Variants in CCSER1 observed in about 807,000 individuals in gnomAD.
The protein encoded by CCSER1 is coiled-coil serine rich protein 1.
In CCSER1, 41 loss-of-function variants were observed where a neutral mutation model predicts 82.0. The ratio of observed to expected loss-of-function variants is 0.50; its 90% confidence interval spans 0.39 to 0.65. CCSER1 has a LOEUF of 0.65. Among genes scored for constraint, CCSER1 ranks in the 30% least tolerant of loss-of-function variants. The probability of loss-of-function intolerance (pLI) is 0.00; values close to 1 mark genes in which losing one functional copy is unlikely to be tolerated. For synonymous variants in CCSER1, 414 were observed against 383.9 expected, an observed-to-expected ratio of 1.08 and a Z score of -0.92; for missense variants, 1,119 against 1,064.2, an observed-to-expected ratio of 1.05 and a Z score of -0.72.
intron 10 of CCSER1, among the ~76,000 whole-genome samples, chr4:91,562,671 A>T (rs1487515736): frequency 6.6e-6 from 1 of 151,554 alleles, no homozygotes; most frequent in African/African-American, 2.4e-5. Context: ...TAGCATAGCC[A>T]TTTTCAGAGT....
chr4:91,513,502 C>A (rs1759937848), intron 10 of CCSER1, among the ~76,000 whole-genome samples: 1 of 152,032 alleles, frequency 6.6e-6, no homozygotes, highest in Admixed American at 6.6e-5. Context: ...GAAGCCCCTC[C>A]TCATCAGTTT....
At chr4:91,570,841 G>A (rs1406993432) in intron 10 of CCSER1, among the ~76,000 whole-genome samples, 2 of 151,986 alleles carry the variant, frequency 1.3e-5, no homozygotes, top group Non-Finnish European at 2.9e-5. Flanking sequence ...TTTCTCCAGG[G>A]GTATTGAATT....
chr4:90,562,333 C>G (rs185465349), intron 5 of CCSER1, among the ~76,000 whole-genome samples: 1 of 152,096 alleles, frequency 6.6e-6, no homozygotes, highest in East Asian at 1.9e-4. Flanking sequence ...ATATTTGTCA[C>G]TCATCAGGTT....
At chr4:91,174,212 G>A (rs970284448) in intron 10 of CCSER1, among the ~76,000 whole-genome samples, 2 of 151,996 alleles carry the variant, frequency 1.3e-5, no homozygotes, top group African/African-American at 4.8e-5. Flanking sequence ...ATTCTATTTT[G>A]GATGGCAGTC....
chr4:90,275,941 C>G (rs573577434), intron 1 of CCSER1, among the ~76,000 whole-genome samples: 5 of 152,198 alleles, frequency 3.3e-5, no homozygotes, highest in African/African-American at 1.2e-4. Context: ...ATTTTATATA[C>G]TGAAATGAAG....
chr4:90,260,683 A>G (rs2153448301), intron 1 of CCSER1, among the ~76,000 whole-genome samples: 1 of 152,084 alleles, frequency 6.6e-6, no homozygotes, highest in South Asian at 2.1e-4. Context: ...GACAGTAGAT[A>G]TTGTTTGGTG....
rs1279142591 is a variant in CCSER1, at chr4:91,496,616, A to AATATATATTGAATATATATATATT, written c.2218-101956_2218-101955insATATATATTGAATATATATATATT. Among the ~76,000 whole-genome samples, 9 of 21,032 alleles carry AATATATATTGAATATATATATATT rather than the reference A, an allele frequency of 4.3e-4. 1 individual carries two copies. Among genetic ancestry groups the AATATATATTGAATATATATATATT allele is most frequent in the East Asian group, 8.3e-3 (1 of 120 alleles). 13.8% of individuals were successfully genotyped at this position (21,032 alleles called of 152,430 possible). On this transcript the variant is annotated intron_variant, in intron 10 of 10. Transcript: ENST00000509176. ...AATATATATTTGAATATATATATAC[A>AATATATATTGAATATATATATATT]CGAATATATATTTGAATATATATAT...
intron 2 of CCSER1, 90 bp downstream of exon 2, chr4:90,309,698 C>A (rs946059266): frequency 1.0e-6 from 1 of 989,292 alleles, no homozygotes; most frequent in Non-Finnish European, 1.4e-6. Flanking sequence ...TGAATGGAAA[C>A]CACATTTTTC....
chr4:90,532,112 C>T (rs1364181804), intron 5 of CCSER1, among the ~76,000 whole-genome samples: 1 of 152,002 alleles, frequency 6.6e-6, no homozygotes, highest in Non-Finnish European at 1.5e-5. Context: ...TATATAGTAT[C>T]TTTATAAATC....
In CCSER1 at chr4:90,309,367, C is replaced by A. The variant is rs1440537295; in HGVS notation, c.1083C>A (p.Ser361Arg). The A allele has an allele frequency of 1.4e-5, 22 of 1,613,658 alleles. No homozygotes were observed. In the East Asian group the frequency reaches 4.2e-4, roughly 31 times the overall value. Residue 361 changes from serine to arginine, a missense_variant, in exon 2 of 11, where the codon AGC (serine) becomes AGA (arginine). Coordinates refer to ENST00000509176, the MANE Select transcript of CCSER1 (RefSeq NM_001145065.2). ...QIAELPATSV[S>R]HSESNLPADS... ...CTGAACTACCTGCTACAAGTGTGAG[C>A]CACTCAGAGAGTAACCTACCAGCAG...
chr4:90,660,719 A>G (rs1357561414), intron 6 of CCSER1, among the ~76,000 whole-genome samples: 1 of 152,164 alleles, frequency 6.6e-6, no homozygotes, highest in Non-Finnish European at 1.5e-5. Flanking sequence ...ATAGATATTA[A>G]ATACATTTTA....
intron 10 of CCSER1, among the ~76,000 whole-genome samples, chr4:91,194,975 A>G (rs973173388): frequency 3.3e-5 from 5 of 152,230 alleles, no homozygotes; most frequent in Non-Finnish European, 7.3e-5. Flanking sequence ...ACACTTGAGT[A>G]TCATTATATG....
chr4:90,526,982 C>T (rs1258830864), intron 5 of CCSER1, among the ~76,000 whole-genome samples: 1 of 152,144 alleles, frequency 6.6e-6, no homozygotes, highest in Non-Finnish European at 1.5e-5. Context: ...ATTTACACTC[C>T]CACCAACAGT....
At chr4:90,888,652 A>C (rs1268980931) in intron 8 of CCSER1, among the ~76,000 whole-genome samples, 1 of 152,168 alleles carries the variant, frequency 6.6e-6, no homozygotes, top group Non-Finnish European at 1.5e-5. Flanking sequence ...ATGCGTTAAC[A>C]TTTCTGCATG....
chr4:91,042,357 C>G (rs922628274), intron 9 of CCSER1, among the ~76,000 whole-genome samples: 36 of 152,128 alleles, frequency 2.4e-4, no homozygotes, highest in African/African-American at 8.2e-4. Context: ...TGAGGCCTCC[C>G]CAGCCATTCG....
chr4:91,205,882 A>G (rs1023191649), intron 10 of CCSER1, among the ~76,000 whole-genome samples: 28 of 151,902 alleles, frequency 1.8e-4, no homozygotes, highest in African/African-American at 6.5e-4. Flanking sequence ...AGACGCTGTG[A>G]AAAGTACTGA....
chr4:90,628,122 C>A lies in CCSER1; in HGVS notation c.1822C>A (p.Gln608Lys). The change falls in exon 6 of 11, where the codon CAA becomes AAA. Residue 608 changes from glutamine (Q) to lysine (K), a missense_variant. By Grantham distance (53) the Gln-to-Lys change is moderately conservative. Transcript: ENST00000509176. ...PNSPSADWPLQGVEENGGIDS... is the reference protein window; with the variant it reads ...PNSPSADWPLKGVEENGGIDS... The stretch of plus-strand genomic sequence containing the variant: ...CAGTCCATCTGCGGATTGGCCTCTA[C>A]AAGGTGTGGAAGAAAACGGAGGCAT... 6.2e-7 allele frequency: 1 copy of A among 1,613,676 alleles called. No individual in the cohort carries two copies. The highest frequency in any genetic ancestry group is 2.2e-5 in the East Asian group (1 of 44,864).
At chr4:91,513,447 G>A (rs948469229) in intron 10 of CCSER1, among the ~76,000 whole-genome samples, 1 of 152,098 alleles carries the variant, frequency 6.6e-6, no homozygotes, top group African/African-American at 2.4e-5. Flanking sequence ...TCTTTGCCAG[G>A]TTTTGATATC....
At chr4:90,816,712 A>G (rs370802346) in intron 8 of CCSER1, among the ~76,000 whole-genome samples, 1 of 152,102 alleles carries the variant, frequency 6.6e-6, no homozygotes, top group African/African-American at 2.4e-5. Flanking sequence ...ATCCTTCTCA[A>G]CGTATTTTTA....
Sources: allele counts gnomAD v4.1 joint callset (sites outside exome capture counted in the v4.1 genomes callset), GRCh38; gene constraint gnomAD v4.1.1; transcripts MANE v1.5; gene names NCBI Gene and HGNC (gene_info 2026-07-23, HGNC 2026-07-21).